Variants in PAK3 observed in about 807,000 individuals in gnomAD.
PAK3 encodes p21 (RAC1) activated kinase 3, also known as serine/threonine-protein kinase PAK 3.
PAK3 carries 4 observed loss-of-function variants against 41.0 expected under a neutral mutation model. The ratio of observed to expected loss-of-function variants is 0.10; its 90% CI spans 0.05 to 0.22. PAK3 has a LOEUF of 0.22. PAK3 is among the 10% of genes least tolerant of loss of function. The pLI, the probability that PAK3 is intolerant of heterozygous loss-of-function variation, is 1.00. For synonymous variants in PAK3, 146 were observed against 139.6 expected (o/e 1.05, Z -0.32); for missense variants, 205 against 409.9 (o/e 0.50, Z 4.32).
At chrX:111,037,493 A>G (rs1349580264) in intron 1 of PAK3, among the ~76,000 whole-genome samples, 3 of 111,442 alleles carry the variant, frequency 2.7e-5, no homozygotes, top group African/African-American at 9.8e-5. Context: ...AAGAAAAGCA[A>G]GTGTTTCAGT....
chrX:111,138,987 A>G (rs985772552), intron 5 of PAK3, among the ~76,000 whole-genome samples: 3 of 109,177 alleles, frequency 2.7e-5, no homozygotes, highest in Admixed American at 9.8e-5. Context: ...CAAACAAACA[A>G]CAACACACAC....
At chrX:111,147,207 C>T (rs916282694) in intron 6 of PAK3, among the ~76,000 whole-genome samples, 1 of 111,398 alleles carries the variant, frequency 9.0e-6, no homozygotes, top group Non-Finnish European at 1.9e-5. Context: ...TATAGTAAAG[C>T]GCTAGACCCA....
intron 4 of PAK3, among the ~76,000 whole-genome samples, chrX:111,112,787 C>T (rs1015216784): frequency 1.8e-5 from 2 of 111,484 alleles, no homozygotes; most frequent in Admixed American, 1.9e-4. Flanking sequence ...TAAAAATCAA[C>T]CCCCCAAATT....
chrX:111,127,755 G>A (rs1367188347), intron 5 of PAK3, among the ~76,000 whole-genome samples: 2 of 111,415 alleles, frequency 1.8e-5, no homozygotes, highest in Admixed American at 1.9e-4. Flanking sequence ...TCTACGGTAT[G>A]TATGCACTTT....
chrX:110,991,139 AAAAG>A (rs779717331), intron 1 of PAK3, among the ~76,000 whole-genome samples: 2 of 15,149 alleles, frequency 1.3e-4, no homozygotes, highest in African/African-American at 1.4e-4. Flanking sequence ...CTCAAAAAAA[AAAAG>A]AAAAGAAAAA....
At chrX:111,009,512 A>G (rs2091982232) in intron 1 of PAK3, among the ~76,000 whole-genome samples, 1 of 111,403 alleles carries the variant, frequency 9.0e-6, no homozygotes, top group Admixed American at 9.5e-5. Context: ...CCCAGGGTCA[A>G]CAGACAACCT....
intron 5 of PAK3, among the ~76,000 whole-genome samples, chrX:111,130,236 G>A (rs376666364): frequency 2.6e-4 from 29 of 111,641 alleles, no homozygotes; most frequent in African/African-American, 7.8e-4. Flanking sequence ...GGGGTGACTT[G>A]AAGGGCTCAC....
chrX:111,206,793 A>G (rs1365684878), intron 16 of PAK3, among the ~76,000 whole-genome samples: 1 of 111,253 alleles, frequency 9.0e-6, no homozygotes, highest in Non-Finnish European at 1.9e-5. Flanking sequence ...TTCTTTTTGT[A>G]TATTTGGCCC....
intron 1 of PAK3, among the ~76,000 whole-genome samples, chrX:110,954,841 T>G (rs1187053984): frequency 9.0e-6 from 1 of 111,384 alleles, no homozygotes; most frequent in Non-Finnish European, 1.9e-5. Flanking sequence ...TGGAACATAC[T>G]TTTTGTTTTC....
chrX:111,074,581 G>A (rs914608592), intron 1 of PAK3, among the ~76,000 whole-genome samples: 1 of 111,560 alleles, frequency 9.0e-6, no homozygotes, highest in African/African-American at 3.3e-5. Context: ...CCCGGCCCCA[G>A]GTATTCCTTT....
At chrX:111,001,373 T>G (rs948623176) in intron 1 of PAK3, among the ~76,000 whole-genome samples, 2 of 111,778 alleles carry the variant, frequency 1.8e-5, no homozygotes, top group Non-Finnish European at 3.8e-5. Context: ...AGATCCTTAT[T>G]AAGCACCATA....
intron 1 of PAK3, among the ~76,000 whole-genome samples, chrX:111,031,229 G>A (rs945640086): frequency 2.7e-5 from 3 of 111,966 alleles, no homozygotes; most frequent in Non-Finnish European, 5.6e-5. Flanking sequence ...GTGAGGACTA[G>A]ATTGGAAGTA....
At chrX:111,158,938 A>G (rs1447864909) in intron 8 of PAK3, among the ~76,000 whole-genome samples, 1 of 111,659 alleles carries the variant, frequency 9.0e-6, no homozygotes, top group East Asian at 2.8e-4. Context: ...GTTTGGGCCA[A>G]GAAGACTAGA....
chrX:111,090,090 G>A (rs1164567082), intron 1 of PAK3, among the ~76,000 whole-genome samples: 3 of 110,297 alleles, frequency 2.7e-5, no homozygotes, highest in Non-Finnish European at 5.7e-5. Flanking sequence ...TACCTCCAGG[G>A]AAATGAAAGT....
At chrX:110,955,825 T>G (rs1224911807) in intron 1 of PAK3, among the ~76,000 whole-genome samples, 1 of 112,355 alleles carries the variant, frequency 8.9e-6, no homozygotes, top group Non-Finnish European at 1.9e-5. Context: ...GAAAACAGAC[T>G]ACTTTGAAAG....
intron 1 of PAK3, among the ~76,000 whole-genome samples, chrX:111,019,568 T>C (rs1241106944): frequency 2.9e-5 from 3 of 103,841 alleles, no homozygotes; most frequent in Non-Finnish European, 5.9e-5. Context: ...ATGTCTCCTG[T>C]AGTCCCAGCT....
At chrX:111,130,584 C>A (rs2093703610) in intron 5 of PAK3, among the ~76,000 whole-genome samples, 1 of 111,540 alleles carries the variant, frequency 9.0e-6, no homozygotes, top group Non-Finnish European at 1.9e-5. Flanking sequence ...GGAGAATGGA[C>A]CTTCCACCAT....
In PAK3 at chrX:111,062,383, A is replaced by C. The variant is rs17327266; in HGVS notation, c.-27-60694A>C. ...TTACTAGAAGATTTGTTAAACGTGA[A>C]TGTATGGTATACTGTGTGTGGTACG... On this transcript the variant is annotated intron_variant, in intron 1 of 14. Transcript: ENST00000425146. Among the ~76,000 whole-genome samples, 123 of 112,395 alleles carry C rather than the reference A, an allele frequency of 1.1e-3. 1 individual carries two copies. The East Asian group carries it at 0.032, about 29-fold the overall frequency.
At chrX:110,960,967 T>C (rs754935046) in intron 1 of PAK3, among the ~76,000 whole-genome samples, 2 of 111,672 alleles carry the variant, frequency 1.8e-5, no homozygotes, top group African/African-American at 6.5e-5. Context: ...CTAAATTCCA[T>C]AGTGCATCTT....
Sources: allele counts gnomAD v4.1 joint callset (sites outside exome capture counted in the v4.1 genomes callset), GRCh38; gene constraint gnomAD v4.1.1; transcripts MANE v1.5; gene names NCBI Gene and HGNC (gene_info 2026-07-23, HGNC 2026-07-21).